TRPM1: variants seen among roughly 807,000 people sequenced by gnomAD.
TRPM1 encodes TRPM1-203 APA Isoform, Intron 10.
In TRPM1, 113 loss-of-function variants were observed where a neutral mutation model predicts 149.4. The observed-to-expected ratio is 0.76, with a 90% CI of 0.65 to 0.88. TRPM1 has a LOEUF of 0.88. Ranked by LOEUF, TRPM1 falls within the 40% of genes least tolerant of loss-of-function variation. The pLI is 0.00. For synonymous variants in TRPM1, 741 were observed against 759.5 expected, an observed-to-expected ratio of 0.98 and a Z score of 0.40; for missense variants, 1,976 against 2,038.7, an observed-to-expected ratio of 0.97 and a Z score of 0.59.
upstream of TRPM1, among the ~76,000 whole-genome samples, chr15:31,105,593 T>C (rs1409295359): frequency 6.6e-6 from 1 of 152,266 alleles, no homozygotes; most frequent in South Asian, 2.1e-4. Context: ...TTTTTGCTTA[T>C]GCTAAAAGCC....
intron 1 of TRPM1, among the ~76,000 whole-genome samples, chr15:31,152,720 G>T (rs976671162): frequency 2.6e-5 from 4 of 152,164 alleles, no homozygotes; most frequent in Admixed American, 1.3e-4. Flanking sequence ...ATGGCTCGCT[G>T]CAGCCTTGAC....
chr15:31,030,047 T>G (rs1020734830), intron 23 of TRPM1, among the ~76,000 whole-genome samples: 2 of 152,204 alleles, frequency 1.3e-5, no homozygotes, highest in African/African-American at 2.4e-5. Flanking sequence ...ACTTCAATAG[T>G]TGACTTTGTG....
chr15:31,138,768 C>T (rs1240025155), intron 1 of TRPM1, among the ~76,000 whole-genome samples: 1 of 151,982 alleles, frequency 6.6e-6, no homozygotes, highest in Non-Finnish European at 1.5e-5. Context: ...ATTTCCAAAA[C>T]ACAACTTCTT....
At chr15:31,125,759 A>G (rs906539641) in intron 1 of TRPM1, among the ~76,000 whole-genome samples, 30 of 99,598 alleles carry the variant, frequency 3.0e-4, no homozygotes, top group African/African-American at 9.9e-4. Context: ...AAAAAAAATT[A>G]TTAAAAAATT....
In TRPM1 at chr15:31,035,633, G is replaced by A. The variant is rs1375583363; in HGVS notation, c.2613C>T (p.Ile871=). 6.2e-7 allele frequency: 1 copy of A among 1,614,212 alleles called. No individual in the cohort carries two copies. Among genetic ancestry groups the A allele is most frequent in the South Asian group, 1.1e-5 (1 of 91,072 alleles). ...LGYLLLFNYV[I]LVRMDGWPSL... ...ACGGCCAGCCATCCATCCGCACCAG[G>A]ATGACGTAGTTAAACAGCAGCAGGT... The change falls in exon 21 of 28, where the codon ATC becomes ATT. Residue 871 remains isoleucine, a synonymous_variant. Coordinates refer to ENST00000256552, the MANE Select transcript of TRPM1 (RefSeq NM_001252024.2).
rs2032730260 is a variant in TRPM1 at position 31,026,163 on chromosome 15, T to C, written c.3605A>G (p.Glu1202Gly). Residue 1202 changes from glutamate to glycine, a missense_variant, in exon 27 of 28, where the codon GAG becomes GGG. Glu to Gly is a moderately conservative substitution (Grantham distance 98). Coordinates refer to ENST00000256552, the MANE Select transcript of TRPM1 (RefSeq NM_001252024.2). ...KEDEQQSSSD[E>G]RIRVTSERVE... Reference sequence around the variant, plus strand: ...CCTTTCAGAAGTGACCCGGATGCGCTCGTCGCTGGACGACTGCTGCTCATC... The same window carrying C: ...CCTTTCAGAAGTGACCCGGATGCGCCCGTCGCTGGACGACTGCTGCTCATC... 1.2e-6 allele frequency: 2 copies of C among 1,612,186 alleles called. No homozygotes were observed. The highest frequency in any genetic ancestry group is 1.7e-6 in the Non-Finnish European group (2 of 1,180,026).
At position 31,061,691 on chromosome 15, in the gene TRPM1, G is replaced by GT. The variant is rs372758777; in HGVS notation, c.1090-178dup. Among the ~76,000 whole-genome samples the GT allele has an allele frequency of 0.025, 3,590 of 145,738 alleles. 140 individuals are homozygous for GT. Among genetic ancestry groups the GT allele is most frequent in the African/African-American group, 0.084 (3,346 of 39,724 alleles). On this transcript the variant is annotated intron_variant, in intron 9 of 27. Coordinates refer to ENST00000256552, the MANE Select transcript of TRPM1 (RefSeq NM_001252024.2). The stretch of plus-strand genomic sequence containing the variant: ...TCTTTTCTTTTTCTTTTTTCTTTTT[G>GT]TTTTTTTTTTGAGATGGAGTTTCGC...
At chr15:31,074,188 T>C (rs2034633182) in intron 3 of TRPM1, among the ~76,000 whole-genome samples, 2 of 152,140 alleles carry the variant, frequency 1.3e-5, no homozygotes, top group African/African-American at 4.8e-5. Flanking sequence ...TCTAGTTTGG[T>C]ATCTGGGTAG....
intron 1 of TRPM1, among the ~76,000 whole-genome samples, chr15:31,092,934 G>T (rs1179537878): frequency 6.6e-6 from 1 of 152,174 alleles, no homozygotes; most frequent in African/African-American, 2.4e-5. Context: ...GCTCAACAAT[G>T]CATTATTTAG....
intron 1 of TRPM1, among the ~76,000 whole-genome samples, chr15:31,152,705 C>T (rs983509317): frequency 1.4e-4 from 22 of 152,202 alleles, no homozygotes; most frequent in African/African-American, 5.1e-4. Context: ...TGTTGTGGTG[C>T]GATCATGGCT....
At chr15:31,030,356 C>T (rs183908191) in intron 23 of TRPM1, among the ~76,000 whole-genome samples, 1 of 133,988 alleles carries the variant, frequency 7.5e-6, no homozygotes, top group African/African-American at 3.6e-5. Flanking sequence ...ATTCAACTGT[C>T]CTGGTAAATA....
At chr15:31,160,709 T>C (rs960344878) in intron 1 of TRPM1, among the ~76,000 whole-genome samples, 9 of 152,182 alleles carry the variant, frequency 5.9e-5, no homozygotes, top group African/African-American at 2.2e-4. Flanking sequence ...TTGGACACCG[T>C]GGCAGGAAAC....
intron 20 of TRPM1, among the ~76,000 whole-genome samples, 163 bp downstream of exon 20, chr15:31,037,548 A>G (rs1406015078): frequency 6.6e-6 from 1 of 152,232 alleles, no homozygotes; most frequent in African/African-American, 2.4e-5. Context: ...TCGAGATCCA[A>G]TGTTAGCCAG....
In TRPM1 at chr15:31,017,163, GGAC is replaced by G. The variant is rs1450783518; in HGVS notation, c.3629+8973_3629+8975del. ...TCTACTAAAACTACAAAAATTAGCCGGACATGGTGGCGTGCGTCTGTAGTCCCA... is the reference window on the plus strand; with the variant it reads ...TCTACTAAAACTACAAAAATTAGCCGATGGTGGCGTGCGTCTGTAGTCCCA... On this transcript the variant is annotated intron_variant, in intron 27 of 27. Transcript: ENST00000256552. Among the ~76,000 whole-genome samples the G allele has an allele frequency of 2.8e-4, 42 of 152,070 alleles. No individual in the cohort carries two copies. The South Asian group carries it at 8.5e-3, about 31-fold the overall frequency.
At chr15:31,152,419 A>G (rs2036316190) in intron 1 of TRPM1, among the ~76,000 whole-genome samples, 1 of 152,212 alleles carries the variant, frequency 6.6e-6, no homozygotes, top group African/African-American at 2.4e-5. Flanking sequence ...GGCCCACTGC[A>G]GGGCCTTGGA....
chr15:31,004,095 C>A (rs1315667529), intron 27 of TRPM1, among the ~76,000 whole-genome samples: 1 of 152,168 alleles, frequency 6.6e-6, no homozygotes, highest in African/African-American at 2.4e-5. Flanking sequence ...CTGGCTGGTT[C>A]ATCCCTGTGT....
intron 1 of TRPM1, among the ~76,000 whole-genome samples, chr15:31,160,402 C>A (rs1228969906): frequency 1.3e-5 from 2 of 152,152 alleles, no homozygotes; most frequent in African/African-American, 4.8e-5. Flanking sequence ...CCCTCTGGCC[C>A]TCCCTCCTGT....
chr15:31,147,711 C>T (rs767529589), intron 1 of TRPM1, among the ~76,000 whole-genome samples: 35 of 152,198 alleles, frequency 2.3e-4, no homozygotes, highest in Non-Finnish European at 4.4e-5. Flanking sequence ...GGGTAACTTG[C>T]GTCTTCTCTA....
At chr15:31,049,733 C>G (rs1234125000) in intron 12 of TRPM1, among the ~76,000 whole-genome samples, 1 of 152,224 alleles carries the variant, frequency 6.6e-6, no homozygotes, top group Non-Finnish European at 1.5e-5. Context: ...ATTATTGTTT[C>G]CTTTTAAAAA....
Sources: gnomAD v4.1 joint callset for allele counts (sites outside exome capture counted in the v4.1 genomes callset) on GRCh38, gnomAD v4.1.1 for gene constraint, MANE v1.5 for transcripts, NCBI Gene and HGNC (gene_info 2026-07-23, HGNC 2026-07-21) for gene names.